Variants in GALNT13 observed in about 807,000 individuals in gnomAD.
The protein encoded by GALNT13 is polypeptide N-acetylgalactosaminyltransferase 13.
In GALNT13, 28 loss-of-function variants were observed where a neutral mutation model predicts 64.2. The observed-to-expected ratio is 0.44, with a 90% CI of 0.32 to 0.60. The LOEUF is 0.60. GALNT13 is among the 20% of genes least tolerant of loss of function. The pLI is 0.05. For synonymous variants in GALNT13, 214 were observed against 224.6 expected, an observed-to-expected ratio of 0.95 and a Z score of 0.42; for missense variants, 577 against 669.8, an observed-to-expected ratio of 0.86 and a Z score of 1.53.
chr2:154,410,385 TTA>T (rs1294877600), intron 11 of GALNT13, among the ~76,000 whole-genome samples: 1 of 151,924 alleles, frequency 6.6e-6, no homozygotes, highest in Non-Finnish European at 1.5e-5. Context: ...ACCAAAAACT[TTA>T]TGTCTTTCCA....
At chr2:153,634,360 C>A in the GALNT13 span, among the ~76,000 whole-genome samples, 3 of 151,948 alleles carry the variant, frequency 2.0e-5, no homozygotes, top group South Asian at 4.2e-4. Flanking sequence ...CATGTCTATT[C>A]AACTCACACT....
chr2:154,053,298 G>C (rs1342907519), intron 3 of GALNT13, among the ~76,000 whole-genome samples: 1 of 152,114 alleles, frequency 6.6e-6, no homozygotes, highest in Non-Finnish European at 1.5e-5. Context: ...GTATGCAAAA[G>C]AATTTAATAT....
the GALNT13 span, among the ~76,000 whole-genome samples, chr2:153,087,918 G>C: frequency 2.0e-5 from 3 of 151,780 alleles, no homozygotes; most frequent in Non-Finnish European, 4.4e-5. Flanking sequence ...AAGAGAATCT[G>C]GTTTTTGTTT....
chr2:154,325,459 G>A (rs898804428), intron 9 of GALNT13, among the ~76,000 whole-genome samples: 1 of 152,100 alleles, frequency 6.6e-6, no homozygotes, highest in African/African-American at 2.4e-5. Context: ...CCTTGGAATG[G>A]CATAGATCTT....
At chr2:154,146,494 C>G (rs962526023) in intron 4 of GALNT13, among the ~76,000 whole-genome samples, 3 of 151,968 alleles carry the variant, frequency 2.0e-5, no homozygotes, top group African/African-American at 7.2e-5. Flanking sequence ...TTTTAAAGCA[C>G]ATAGCTGAGT....
chr2:154,224,030 ATTAT>A (rs1688459775), intron 4 of GALNT13, among the ~76,000 whole-genome samples: 1 of 152,056 alleles, frequency 6.6e-6, no homozygotes, highest in Non-Finnish European at 1.5e-5. Flanking sequence ...AGAAGTTTAC[ATTAT>A]TTATTTATTT....
chr2:154,300,452 A>AATC (rs1693377064), intron 8 of GALNT13, among the ~76,000 whole-genome samples: 4 of 152,248 alleles, frequency 2.6e-5, no homozygotes, highest in East Asian at 1.9e-4. Context: ...ACTCTACTTA[A>AATC]ATCAGATGTA....
In GALNT13 at chr2:153,997,477, T is replaced by C. The variant is rs1268275934; in HGVS notation, c.142+52838T>C. ...TTCTTGATTTCTTTTTTACATAGTT[T>C]GCTATTGCCTTAGAAAAAATGCTTC... On this transcript the variant is annotated intron_variant, in intron 3 of 12. Transcript: ENST00000392825. Among the ~76,000 whole-genome samples, 9 of 152,232 alleles carry C rather than the reference T, an allele frequency of 5.9e-5. No homozygotes were observed. In the East Asian group the frequency reaches 1.7e-3, roughly 29 times the overall value.
intron 12 of GALNT13, among the ~76,000 whole-genome samples, chr2:154,440,758 A>G (rs1701249538): frequency 6.6e-6 from 1 of 152,164 alleles, no homozygotes; most frequent in Non-Finnish European, 1.5e-5. Context: ...ACTTTGCCAA[A>G]TTAAAAAATG....
the GALNT13 span, among the ~76,000 whole-genome samples, chr2:153,256,897 G>A: frequency 6.6e-6 from 1 of 152,240 alleles, no homozygotes; most frequent in Non-Finnish European, 1.5e-5. Flanking sequence ...GGTTACTGTT[G>A]TCTTTTTGTT....
At chr2:153,899,372 CTAAT>C (rs1337935714) in intron 1 of GALNT13, among the ~76,000 whole-genome samples, 1 of 152,080 alleles carries the variant, frequency 6.6e-6, no homozygotes, top group Non-Finnish European at 1.5e-5. Flanking sequence ...TAGAGATTTA[CTAAT>C]TGTTATAACT....
At chr2:153,359,692 C>T in the GALNT13 span, among the ~76,000 whole-genome samples, 84 of 106,790 alleles carry the variant, frequency 7.9e-4, 2 homozygotes, top group South Asian at 0.018. Context: ...GGAAGTAACA[C>T]AATAAGATGA....
intron 7 of GALNT13, among the ~76,000 whole-genome samples, chr2:154,250,954 T>A (rs967562027): frequency 5.9e-5 from 9 of 152,094 alleles, no homozygotes; most frequent in Non-Finnish European, 1.2e-4. Flanking sequence ...TAGTCAATGC[T>A]CTTGCTTACT....
intron 2 of GALNT13, among the ~76,000 whole-genome samples, chr2:153,915,472 C>T (rs1689264294): frequency 6.6e-6 from 1 of 152,142 alleles, no homozygotes; most frequent in Admixed American, 6.5e-5. Context: ...TAGCTGTTTT[C>T]TTCTTACCTA....
chr2:153,232,185 A>G, the GALNT13 span, among the ~76,000 whole-genome samples: 2 of 152,234 alleles, frequency 1.3e-5, no homozygotes, highest in Non-Finnish European at 2.9e-5. Context: ...TAGTAAAATA[A>G]TCCATGGTGA....
the GALNT13 span, among the ~76,000 whole-genome samples, chr2:153,319,876 T>G: frequency 6.6e-6 from 1 of 151,750 alleles, no homozygotes; most frequent in African/African-American, 2.4e-5. Context: ...GAGGGAAGGG[T>G]GGGAAGAGAG....
At chr2:154,058,816 T>G (rs1424674238) in intron 3 of GALNT13, among the ~76,000 whole-genome samples, 1 of 152,140 alleles carries the variant, frequency 6.6e-6, no homozygotes, top group Non-Finnish European at 1.5e-5. Context: ...GATTTTAGGT[T>G]TTACTTTGAG....
At chr2:153,607,729 C>T in the GALNT13 span, among the ~76,000 whole-genome samples, 1 of 151,782 alleles carries the variant, frequency 6.6e-6, no homozygotes, top group Admixed American at 6.6e-5. Context: ...TTTTTTTAAA[C>T]TTAATAAACT....
At chr2:154,336,110 G>T (rs1695430434) in intron 9 of GALNT13, among the ~76,000 whole-genome samples, 1 of 152,190 alleles carries the variant, frequency 6.6e-6, no homozygotes, top group African/African-American at 2.4e-5. Flanking sequence ...ATAATCCAGT[G>T]TCATCCACAT....
Sources: gnomAD v4.1 joint callset for allele counts (sites outside exome capture counted in the v4.1 genomes callset) on GRCh38, gnomAD v4.1.1 for gene constraint, MANE v1.5 for transcripts, NCBI Gene and HGNC (gene_info 2026-07-23, HGNC 2026-07-21) for gene names.